Variants in EPHB1 observed in about 807,000 individuals in gnomAD.
The protein encoded by EPHB1 is ephrin type-B receptor 1.
EPHB1 carries 30 observed loss-of-function variants against 94.4 expected under a neutral mutation model. The observed-to-expected ratio is 0.32, with a 90% CI of 0.24 to 0.43. The LOEUF is 0.43. EPHB1 is among the 20% of genes least tolerant of loss of function. The probability of loss-of-function intolerance (pLI) is 1.00; values close to 1 mark genes in which losing one functional copy is unlikely to be tolerated. For synonymous variants in EPHB1, 522 were observed against 489.1 expected (o/e 1.07, Z -0.89); for missense variants, 1,055 against 1,308.3 (o/e 0.81, Z 2.99).
At chr3:134,809,443 A>T (rs1042592980) in intron 1 of EPHB1, among the ~76,000 whole-genome samples, 12 of 152,074 alleles carry the variant, frequency 7.9e-5, no homozygotes, top group Non-Finnish European at 1.8e-4. Flanking sequence ...TTCTTTTCCC[A>T]ATCAGGAGAA....
chr3:135,175,187 G>A (rs1410866533), intron 9 of EPHB1, among the ~76,000 whole-genome samples: 1 of 152,054 alleles, frequency 6.6e-6, no homozygotes, highest in African/African-American at 2.4e-5. Flanking sequence ...GGGTCTCCCC[G>A]ACTTTTCAGA....
chr3:134,852,191 C>T (rs1204827842), intron 1 of EPHB1, among the ~76,000 whole-genome samples: 3 of 152,106 alleles, frequency 2.0e-5, no homozygotes, highest in Non-Finnish European at 4.4e-5. Context: ...CCACTGTCTG[C>T]CTCAATGTCC....
rs901642908 is a variant in EPHB1, at chr3:135,022,897, A to G, written c.805+70845A>G. Among the ~76,000 whole-genome samples, 3 of 152,206 alleles carry G rather than the reference A, an allele frequency of 2.0e-5. 1 individual carries two copies. Among genetic ancestry groups the G allele is most frequent in the Non-Finnish European group, 4.4e-5 (3 of 68,028 alleles). Reference sequence around the variant, plus strand: ...CAAGTATTATGTTTTTTCTAAAATCATATGTTATAACTTTAGAGCTCATGT... The same window carrying G: ...CAAGTATTATGTTTTTTCTAAAATCGTATGTTATAACTTTAGAGCTCATGT... On this transcript the variant is annotated intron_variant, in intron 3 of 15. Coordinates refer to ENST00000398015, the MANE Select transcript of EPHB1 (RefSeq NM_004441.5).
At chr3:135,078,125 G>C (rs1381734157) in intron 3 of EPHB1, among the ~76,000 whole-genome samples, 1 of 152,166 alleles carries the variant, frequency 6.6e-6, no homozygotes, top group Admixed American at 6.5e-5. Flanking sequence ...ATTCCCCCAG[G>C]TTCCTGCTCA....
intron 3 of EPHB1, among the ~76,000 whole-genome samples, chr3:134,965,768 G>T (rs1383286322): frequency 1.3e-5 from 2 of 151,276 alleles, no homozygotes; most frequent in African/African-American, 4.9e-5. Context: ...CCTCCACCTT[G>T]AGGACCTTCT....
At chr3:135,002,279 T>G (rs1159908765) in intron 3 of EPHB1, among the ~76,000 whole-genome samples, 1 of 152,186 alleles carries the variant, frequency 6.6e-6, no homozygotes, top group Non-Finnish European at 1.5e-5. Flanking sequence ...TGAACCAGCC[T>G]TGCATCCCAG....
At chr3:134,995,802 T>C (rs1934969318) in intron 3 of EPHB1, among the ~76,000 whole-genome samples, 1 of 152,224 alleles carries the variant, frequency 6.6e-6, no homozygotes, top group African/African-American at 2.4e-5. Flanking sequence ...ATAATTTTAA[T>C]TGTATTTTAA....
intron 1 of EPHB1, among the ~76,000 whole-genome samples, chr3:134,922,866 C>A (rs2038715719): frequency 6.6e-6 from 1 of 152,222 alleles, no homozygotes; most frequent in Non-Finnish European, 1.5e-5. Flanking sequence ...TGAGAGAAAG[C>A]ACTGCACCTT....
intron 1 of EPHB1, among the ~76,000 whole-genome samples, chr3:134,905,830 G>A (rs917471689): frequency 6.6e-6 from 1 of 152,166 alleles, no homozygotes; most frequent in Admixed American, 6.5e-5. Context: ...TGATTCCCAG[G>A]CAGTCCTTGG....
At chr3:135,003,530 CGTT>C (rs1161683228) in intron 3 of EPHB1, among the ~76,000 whole-genome samples, 1 of 150,088 alleles carries the variant, frequency 6.7e-6, no homozygotes, top group Non-Finnish European at 1.5e-5. Context: ...CTTTCTGTCT[CGTT>C]GATCTGTCTA....
chr3:135,019,793 TTTAAG>T (rs1220735401), intron 3 of EPHB1, among the ~76,000 whole-genome samples: 1 of 152,228 alleles, frequency 6.6e-6, no homozygotes, highest in African/African-American at 2.4e-5. Flanking sequence ...TTTTTGAGCA[TTTAAG>T]TTATTTATAA....
intron 11 of EPHB1, among the ~76,000 whole-genome samples, chr3:135,196,974 C>T (rs1014534642): frequency 7.9e-5 from 12 of 152,026 alleles, no homozygotes; most frequent in South Asian, 2.1e-4. Context: ...AGAAACAATT[C>T]GGCTGGGCGC....
chr3:135,001,579 C>T (rs796294326), intron 3 of EPHB1, among the ~76,000 whole-genome samples: 1 of 152,204 alleles, frequency 6.6e-6, no homozygotes, highest in African/African-American at 2.4e-5. Flanking sequence ...GCAAAGCCTT[C>T]CCTCACCACT....
At chr3:134,917,151 T>C (rs2038591144) in intron 1 of EPHB1, among the ~76,000 whole-genome samples, 1 of 152,112 alleles carries the variant, frequency 6.6e-6, no homozygotes, top group Non-Finnish European at 1.5e-5. Context: ...CCATCGTAGG[T>C]CTAGAGGTCC....
At position 134,951,923 on chromosome 3, in the gene EPHB1, A is replaced by G. The variant is rs199924359; in HGVS notation, c.676A>G (p.Ile226Val). The G allele has an allele frequency of 1.2e-4, 196 of 1,613,930 alleles. No individual in the cohort carries two copies. Among genetic ancestry groups the G allele is most frequent in the Non-Finnish European group, 1.4e-4 (170 of 1,179,914 alleles). ...TSLVIARGTCIPNAEEVDVPI... is the reference protein window; with the variant it reads ...TSLVIARGTCVPNAEEVDVPI... The stretch of plus-strand genomic sequence containing the variant: ...TCTGGTGATTGCTCGGGGCACATGC[A>G]TCCCCAACGCAGAGGAAGTGGACGT... Residue 226 changes from isoleucine to valine, a missense_variant, in exon 3 of 16, where the codon ATC becomes GTC. Ile to Val is a conservative substitution (Grantham distance 29). Transcript: ENST00000398015. This position sits in a 1 kb window ranked among gnomAD's most constrained non-coding sequence, Gnocchi z 4.5.
chr3:134,997,858 T>C (rs1477175945), intron 3 of EPHB1, among the ~76,000 whole-genome samples: 1 of 152,226 alleles, frequency 6.6e-6, no homozygotes, highest in Non-Finnish European at 1.5e-5. Context: ...AGTAGAATGG[T>C]GTTCCCATTC....
intron 3 of EPHB1, among the ~76,000 whole-genome samples, chr3:135,050,594 T>C (rs1483424732): frequency 6.6e-6 from 1 of 152,174 alleles, no homozygotes; most frequent in East Asian, 1.9e-4. Flanking sequence ...AATCTCATGT[T>C]GAAATGTGAC....
chr3:135,212,010 G>C (rs1201575374), intron 12 of EPHB1, among the ~76,000 whole-genome samples: 1 of 152,076 alleles, frequency 6.6e-6, no homozygotes, highest in Non-Finnish European at 1.5e-5. Flanking sequence ...CTGAGGCTCT[G>C]TTCATTATTT....
At chr3:134,875,605 A>G (rs2108309313) in intron 1 of EPHB1, among the ~76,000 whole-genome samples, 1 of 152,314 alleles carries the variant, frequency 6.6e-6, no homozygotes, top group South Asian at 2.1e-4. Context: ...TCTGAACTTT[A>G]GTTTCCACAT....
Sources: gnomAD v4.1 joint callset for allele counts (sites outside exome capture counted in the v4.1 genomes callset) on GRCh38, gnomAD v4.1.1 for gene constraint, Gnocchi (gnomAD v3.1) non-coding constraint, MANE v1.5 for transcripts, NCBI Gene and HGNC (gene_info 2026-07-23, HGNC 2026-07-21) for gene names.